Variants in ZMAT5 observed in about 807,000 individuals in gnomAD.
ZMAT5 encodes zinc finger matrin-type 5.
A neutral mutation model predicts 28.0 loss-of-function variants in ZMAT5; 23 were observed. The observed-to-expected ratio is 0.82, with a 90% confidence interval of 0.59 to 1.16. The LOEUF (loss-of-function observed/expected upper bound fraction) is 1.16, where lower values mean the gene tolerates loss of function less well. Ranked by LOEUF, ZMAT5 falls within the 50% of genes most tolerant of loss-of-function variation. ZMAT5 has a pLI of 0.00. For missense variants in ZMAT5, 173 were observed against 212.7 expected (o/e 0.81, Z 1.16); for synonymous variants, 76 against 84.1 (o/e 0.90, Z 0.52).
intron 2 of ZMAT5, 108 bp from the exon 3 acceptor site, chr22:29,742,588 C>G: frequency 9.6e-7 from 1 of 1,040,532 alleles, no homozygotes; most frequent in Non-Finnish European, 1.5e-6. Context: ...CACAGCTGTG[C>G]AGAAAGAAGA....
chr22:29,758,807 A>G (rs951438500), intron 1 of ZMAT5: 2 of 152,546 alleles, frequency 1.3e-5, no homozygotes, highest in African/African-American at 4.8e-5. Flanking sequence ...ACAACCAGAT[A>G]CAGATTTCTT....
chr22:29,758,595 C>T (rs951723548), intron 1 of ZMAT5, among the ~76,000 whole-genome samples: 2 of 152,120 alleles, frequency 1.3e-5, no homozygotes, highest in African/African-American at 4.8e-5. Flanking sequence ...TGCACTCCAG[C>T]CTGGGTGGCA....
At chr22:29,732,216 T>A (rs2067854188) in intron 5 of ZMAT5, among the ~76,000 whole-genome samples, 2 of 152,236 alleles carry the variant, frequency 1.3e-5, no homozygotes, top group Admixed American at 6.5e-5. Flanking sequence ...GGCTTCGAAG[T>A]ACTTTGAACC....
chr22:29,741,386 AG>A, intron 3 of ZMAT5, among the ~76,000 whole-genome samples: 1 of 152,256 alleles, frequency 6.6e-6, no homozygotes. Flanking sequence ...TGCCCATCCT[AG>A]GGGAGCTTGG....
intron 2 of ZMAT5, chr22:29,746,608 A>C (rs1194749360): frequency 1.3e-5 from 2 of 152,498 alleles, no homozygotes; most frequent in Non-Finnish European, 2.9e-5. Flanking sequence ...TGAAGTCACC[A>C]CCTGTAACTG....
chr22:29,732,083 C>T (rs1027962065), intron 5 of ZMAT5, among the ~76,000 whole-genome samples: 11 of 152,360 alleles, frequency 7.2e-5, no homozygotes, highest in South Asian at 2.1e-4. Context: ...GTGCCCAGCC[C>T]GGGGCACCCT....
At chr22:29,761,234 C>T (rs1002676856) in intron 1 of ZMAT5, among the ~76,000 whole-genome samples, 7 of 134,522 alleles carry the variant, frequency 5.2e-5, no homozygotes, top group Non-Finnish European at 9.2e-5. Context: ...GATTGTGCCA[C>T]TGCACTCTAG....
intron 5 of ZMAT5, among the ~76,000 whole-genome samples, chr22:29,736,090 G>A (rs893534767): frequency 1.3e-5 from 2 of 152,254 alleles, no homozygotes; most frequent in Admixed American, 6.5e-5. Context: ...GTGGCAGAGT[G>A]AGGATGGGAC....
chr22:29,755,658 G>A (rs545868393), intron 1 of ZMAT5, among the ~76,000 whole-genome samples: 1 of 152,270 alleles, frequency 6.6e-6, no homozygotes, highest in South Asian at 2.1e-4. Flanking sequence ...GGGAAAACTC[G>A]GTCCTAATTT....
At chr22:29,754,912 A>G (rs182581856) in intron 1 of ZMAT5, among the ~76,000 whole-genome samples, 4 of 152,266 alleles carry the variant, frequency 2.6e-5, no homozygotes, top group African/African-American at 9.6e-5. Context: ...TTCCTGCTCA[A>G]TAACGGAGGC....
intron 1 of ZMAT5, among the ~76,000 whole-genome samples, chr22:29,758,565 G>A (rs558961311): frequency 6.6e-6 from 1 of 152,280 alleles, no homozygotes; most frequent in African/African-American, 2.4e-5. Context: ...GAAGGTTGCA[G>A]TGAGCCGAGA....
rs762345075 is a variant in ZMAT5 at position 29,742,445 on chromosome 22, G to T, written c.163C>A (p.Arg55=). Residue 55 remains arginine (R), a synonymous_variant, in exon 3 of 6, where the codon CGG becomes AGG. Coordinates refer to ENST00000344318, the MANE Select transcript of ZMAT5 (RefSeq NM_001003692.2). The part of the protein sequence containing the change: ...AAILLDEQNK[R]PCRKFLLTGQ... ...GTCAGTAGAAACTTCCTGCAGGGCCGCTTGTTCTGCTCATCCAGCAAGATG... is the reference window on the plus strand; with the variant it reads ...GTCAGTAGAAACTTCCTGCAGGGCCTCTTGTTCTGCTCATCCAGCAAGATG... 4 of 1,613,018 alleles carry T rather than the reference G, an allele frequency of 2.5e-6. No homozygotes were observed. Among genetic ancestry groups the T allele is most frequent in the East Asian group, 2.2e-5 (1 of 44,886 alleles).
intron 4 of ZMAT5, among the ~76,000 whole-genome samples, chr22:29,739,202 T>C (rs978936470): frequency 1.3e-5 from 2 of 152,224 alleles, no homozygotes; most frequent in Non-Finnish European, 2.9e-5. Context: ...CAAAACCTGT[T>C]GCTCAACGAA....
At chr22:29,732,737 CTCAA>C (rs2067862630) in intron 5 of ZMAT5, among the ~76,000 whole-genome samples, 9 of 77,078 alleles carry the variant, frequency 1.2e-4, no homozygotes, top group Admixed American at 2.8e-4. Flanking sequence ...GAGACTCCTT[CTCAA>C]AAAAAAAAAA....
At chr22:29,750,536 C>T (rs1458431816) in intron 1 of ZMAT5, among the ~76,000 whole-genome samples, 1 of 152,206 alleles carries the variant, frequency 6.6e-6, no homozygotes, top group African/African-American at 2.4e-5. Flanking sequence ...CATGGCCAGC[C>T]CTTGGGTCCA....
At chr22:29,750,782 C>G (rs1417579760) in intron 1 of ZMAT5, among the ~76,000 whole-genome samples, 1 of 152,156 alleles carries the variant, frequency 6.6e-6, no homozygotes, top group Non-Finnish European at 1.5e-5. Flanking sequence ...CACAGTGGAC[C>G]AATGGGGGAA....
intron 4 of ZMAT5, among the ~76,000 whole-genome samples, chr22:29,739,123 C>T (rs546162121): frequency 1.3e-5 from 2 of 152,176 alleles, no homozygotes; most frequent in Admixed American, 6.5e-5. Flanking sequence ...TGTCACCTGC[C>T]GGGTCTTTGA....
chr22:29,751,524 T>C lies in ZMAT5; in HGVS notation c.-27-2953A>G, dbSNP rs2068055208. Among the ~76,000 whole-genome samples the C allele has an allele frequency of 2.0e-5, 3 of 152,208 alleles. No homozygotes were observed. In the South Asian group the frequency reaches 6.2e-4, roughly 31 times the overall value. On this transcript the variant is annotated intron_variant, in intron 1 of 5. Transcript: ENST00000344318. ...TGAAAGCTCTATATGCATCATCTCA[T>C]TTAATCCCCAGGACAACCTGTGGGG...
intron 1 of ZMAT5, among the ~76,000 whole-genome samples, chr22:29,762,100 T>C (rs1304241069): frequency 6.6e-6 from 1 of 152,206 alleles, no homozygotes; most frequent in East Asian, 1.9e-4. Context: ...ACTGTGCTTG[T>C]TATGTTATTC....
Sources: allele counts gnomAD v4.1 joint callset (sites outside exome capture counted in the v4.1 genomes callset), GRCh38; gene constraint gnomAD v4.1.1; transcripts MANE v1.5; gene names NCBI Gene and HGNC (gene_info 2026-07-23, HGNC 2026-07-21).